RFX7: variants seen among roughly 807,000 people sequenced by gnomAD.
RFX7 encodes the protein regulatory factor X7, also known as DNA-binding protein RFX7.
Under a neutral mutation model 111.8 loss-of-function variants are expected in RFX7, and 26 were observed. That is an observed-to-expected ratio of 0.23 (90% CI 0.17 to 0.32). RFX7 has a LOEUF of 0.32. Ranked by LOEUF, RFX7 falls within the 10% of genes least tolerant of loss-of-function variation. The probability of loss-of-function intolerance (pLI) is 1.00; values close to 1 mark genes in which losing one functional copy is unlikely to be tolerated. For missense variants in RFX7, 1,573 were observed against 1,772.9 expected, an observed-to-expected ratio of 0.89 and a Z score of 2.02; for synonymous variants, 624 against 624.4, an observed-to-expected ratio of 1.00 and a Z score of 0.01.
intron 5 of RFX7, among the ~76,000 whole-genome samples, chr15:56,105,177 A>C (rs2041813509): frequency 6.6e-6 from 1 of 152,184 alleles, no homozygotes; most frequent in South Asian, 2.1e-4. Flanking sequence ...TTATCTTTCA[A>C]GTCTCTGCTT....
chr15:56,192,016 C>A (rs1413090944), intron 2 of RFX7, among the ~76,000 whole-genome samples: 5 of 152,126 alleles, frequency 3.3e-5, no homozygotes, highest in African/African-American at 1.2e-4. Flanking sequence ...CTCTCACTCT[C>A]AGAGCAAGTA....
At chr15:56,110,169 G>A (rs1427083122) in intron 5 of RFX7, among the ~76,000 whole-genome samples, 5 of 129,090 alleles carry the variant, frequency 3.9e-5, no homozygotes, top group Non-Finnish European at 8.5e-5. Context: ...CTGGCCAGCC[G>A]CCCCGTCCAG....
chr15:56,183,695 C>T (rs963294108), intron 2 of RFX7, among the ~76,000 whole-genome samples: 2 of 152,064 alleles, frequency 1.3e-5, no homozygotes, highest in Non-Finnish European at 2.9e-5. Context: ...ATTCTTGGAC[C>T]TTTGTTTTTC....
In RFX7 at chr15:56,241,569, G is replaced by C. The variant is rs530487772; in HGVS notation, c.161+1556C>G. Among the ~76,000 whole-genome samples, 4 of 152,174 alleles carry C rather than the reference G, an allele frequency of 2.6e-5. No individual in the cohort carries two copies. In the South Asian group the frequency reaches 8.3e-4, roughly 32 times the overall value. ...GATGATTTCAGAAACACAAAGTTAC[G>C]TCACGTTACTAGAGGTTAAAAACAC... On this transcript the variant is annotated intron_variant, in intron 2 of 9. Coordinates refer to ENST00000559447, the MANE Select transcript of RFX7 (RefSeq NM_022841.7).
At chr15:56,157,884 A>G (rs891743411) in intron 3 of RFX7, among the ~76,000 whole-genome samples, 11 of 152,154 alleles carry the variant, frequency 7.2e-5, no homozygotes, top group Non-Finnish European at 1.5e-4. Context: ...CGGCCTAACA[A>G]TTTATCCTTA....
At position 56,088,626 on chromosome 15, in the gene RFX7, C is replaced by T. The variant is rs760302460; in HGVS notation, c.*4719G>A. On this transcript the variant is annotated 3_prime_UTR_variant, in exon 10 of 10. Transcript: ENST00000559447. ...TGCAATATTAATAAGTGATCCCATC[C>T]ATAAATTTATAACTTTAATTATTTA... 2 of 151,998 alleles carry T rather than the reference C, an allele frequency of 1.3e-5. No homozygotes were observed. Among genetic ancestry groups the T allele is most frequent in the African/African-American group, 2.4e-5 (1 of 41,388 alleles). The allele number at this position is 151,998 out of a possible 1,614,324, so 9.4% of individuals were successfully genotyped here.
At chr15:56,205,974 C>G (rs1231018561) in intron 2 of RFX7, among the ~76,000 whole-genome samples, 1 of 152,122 alleles carries the variant, frequency 6.6e-6, no homozygotes, top group Non-Finnish European at 1.5e-5. Context: ...AAAGTGGAAT[C>G]CTTGTGTACT....
At chr15:56,109,352 T>A (rs1176350141) in intron 5 of RFX7, among the ~76,000 whole-genome samples, 1 of 152,064 alleles carries the variant, frequency 6.6e-6, no homozygotes, top group African/African-American at 2.4e-5. Flanking sequence ...TCAGTGCTCA[T>A]TGGTGCCCAG....
intron 3 of RFX7, among the ~76,000 whole-genome samples, chr15:56,147,248 T>C (rs1457804590): frequency 1.3e-5 from 2 of 152,214 alleles, no homozygotes; most frequent in African/African-American, 2.4e-5. Flanking sequence ...AATTATAATT[T>C]TTTATTTAGC....
chr15:56,124,061 G>A (rs569321838), intron 5 of RFX7, among the ~76,000 whole-genome samples: 1 of 152,096 alleles, frequency 6.6e-6, no homozygotes, highest in East Asian at 1.9e-4. Context: ...GTTAAATTTG[G>A]TGTTCCTGCA....
At chr15:56,100,221 C>T (rs1377557390) in intron 8 of RFX7, among the ~76,000 whole-genome samples, 3 of 152,212 alleles carry the variant, frequency 2.0e-5, no homozygotes, top group South Asian at 2.1e-4. Flanking sequence ...TATCACCTAT[C>T]TCACAGGACT....
intron 2 of RFX7, among the ~76,000 whole-genome samples, chr15:56,224,104 G>A (rs1267443636): frequency 6.6e-6 from 1 of 151,464 alleles, no homozygotes; most frequent in African/African-American, 2.4e-5. Context: ...ATATAAATAA[G>A]ATGTGGTGGG....
chr15:56,130,258 A>G (rs185850331), intron 5 of RFX7, among the ~76,000 whole-genome samples: 1 of 152,286 alleles, frequency 6.6e-6, no homozygotes, highest in Non-Finnish European at 1.5e-5. Context: ...CTACAGAAAG[A>G]GAATGTCAAA....
intron 5 of RFX7, among the ~76,000 whole-genome samples, chr15:56,130,107 G>A (rs1193113445): frequency 6.6e-6 from 1 of 152,144 alleles, no homozygotes; most frequent in Non-Finnish European, 1.5e-5. Context: ...GTAAGGAACT[G>A]TGATAAAGAA....
chr15:56,155,136 G>A (rs1039185279), intron 3 of RFX7, among the ~76,000 whole-genome samples: 1 of 152,168 alleles, frequency 6.6e-6, no homozygotes, highest in African/African-American at 2.4e-5. Flanking sequence ...ACAGATTCTG[G>A]AGAGGTTGTG....
rs75975502 is a variant in RFX7 at position 56,205,880 on chromosome 15, C to G, written c.162-26577G>C. ...ACAGGTTAAAAAAAGAGATACCACC[C>G]CACATCCATTAGGATAGCTACTATT... On this transcript the variant is annotated intron_variant, in intron 2 of 9. Transcript: ENST00000559447. Among the ~76,000 whole-genome samples, 391 of 152,198 alleles carry G rather than the reference C, an allele frequency of 2.6e-3. 2 individuals are homozygous for G. The highest frequency in any genetic ancestry group is 9.0e-3 in the African/African-American group (374 of 41,520).
intron 2 of RFX7, among the ~76,000 whole-genome samples, chr15:56,208,086 T>G (rs2043273557): frequency 6.6e-6 from 1 of 152,218 alleles, no homozygotes; most frequent in South Asian, 2.1e-4. Context: ...GACCAGGTTT[T>G]CCCAGTGAAT....
At chr15:56,109,217 C>T (rs1223442628) in intron 5 of RFX7, among the ~76,000 whole-genome samples, 1 of 152,244 alleles carries the variant, frequency 6.6e-6, no homozygotes, top group African/African-American at 2.4e-5. Context: ...GACTGGTTTT[C>T]GTATTTTTTG....
At chr15:56,170,274 T>C (rs2141107473) in intron 3 of RFX7, among the ~76,000 whole-genome samples, 1 of 152,260 alleles carries the variant, frequency 6.6e-6, no homozygotes, top group South Asian at 2.1e-4. Flanking sequence ...ACAGAAAATA[T>C]AAAATTCAGA....
Sources: gnomAD v4.1 joint callset for allele counts (sites outside exome capture counted in the v4.1 genomes callset) on GRCh38, gnomAD v4.1.1 for gene constraint, MANE v1.5 for transcripts, NCBI Gene and HGNC (gene_info 2026-07-23, HGNC 2026-07-21) for gene names.